The following CLASP2 variants were observed in gnomAD, a reference collection of about 807,000 sequenced individuals.
CLASP2 encodes the protein cytoplasmic linker associated protein 2.
Under a neutral mutation model 194.4 loss-of-function variants are expected in CLASP2, and 47 were observed. The ratio of observed to expected loss-of-function variants is 0.24; its 90% confidence interval spans 0.19 to 0.31. The LOEUF is 0.31. CLASP2 is among the 10% of genes least tolerant of loss of function. The pLI, the probability that CLASP2 is intolerant of heterozygous loss-of-function variation, is 1.00. For missense variants in CLASP2, 1,445 were observed against 1,823.6 expected (o/e 0.79, Z 3.78); for synonymous variants, 619 against 633.5 (o/e 0.98, Z 0.34).
At chr3:33,639,125 A>C (rs2080800106) in intron 8 of CLASP2, among the ~76,000 whole-genome samples, 1 of 152,036 alleles carries the variant, frequency 6.6e-6, no homozygotes, top group East Asian at 1.9e-4. Flanking sequence ...TGGTGTGATC[A>C]CGGTGCACTA....
intron 6 of CLASP2, among the ~76,000 whole-genome samples, chr3:33,682,527 T>A (rs1468431400): frequency 6.6e-6 from 1 of 152,118 alleles, no homozygotes; most frequent in Non-Finnish European, 1.5e-5. Flanking sequence ...TAAAAAGTTT[T>A]AAAAAATTCC....
In CLASP2 at chr3:33,559,354, T is replaced by C. The variant is rs1055374428; in HGVS notation, c.2962A>G (p.Ile988Val). Residue 988 changes from isoleucine to valine, a missense_variant, in exon 29 of 39, where the codon ATT (isoleucine) becomes GTT (valine). Ile to Val is a conservative substitution (Grantham distance 29). This residue lies in a region of CLASP2 where 732 missense variants were observed against 987.9 expected (regional missense o/e 0.74). Transcript: ENST00000682230. ...TGATCAACTGTAAATCTCATTAGAATATTGAACTGAAGATCATTTGGAAAA... is the reference window on the plus strand; with the variant it reads ...TGATCAACTGTAAATCTCATTAGAACATTGAACTGAAGATCATTTGGAAAA... ...ESFPNDLQFN[I>V]LMRFTVDQTQ... The C allele has an allele frequency of 1.9e-6, 3 of 1,597,852 alleles. No homozygotes were observed. The highest frequency in any genetic ancestry group is 1.7e-5 in the Admixed American group (1 of 58,188).
At chr3:33,688,685 C>T (rs779399736) in intron 3 of CLASP2, among the ~76,000 whole-genome samples, 1 of 152,142 alleles carries the variant, frequency 6.6e-6, no homozygotes, top group Non-Finnish European at 1.5e-5. Flanking sequence ...AATTAAGAAA[C>T]CTTCAATAAC....
At chr3:33,616,382 A>T (rs1018278420) in intron 12 of CLASP2, among the ~76,000 whole-genome samples, 1 of 152,198 alleles carries the variant, frequency 6.6e-6, no homozygotes, top group African/African-American at 2.4e-5. Flanking sequence ...AGGAAAAAAA[A>T]TTCACAAAAT....
intron 1 of CLASP2, among the ~76,000 whole-genome samples, chr3:33,708,476 G>A (rs933012114): frequency 7.1e-5 from 5 of 70,352 alleles, no homozygotes; most frequent in Non-Finnish European, 1.1e-4. Context: ...GTGTGGGTGT[G>A]TGTGTGTGTG....
At chr3:33,574,499 G>A in intron 24 of CLASP2, 1 of 1,506,498 alleles carries the variant, frequency 6.6e-7, no homozygotes, top group Non-Finnish European at 8.9e-7. Flanking sequence ...CCTAAGAGCT[G>A]AGAGCAGTAA....
At chr3:33,621,950 G>A (rs1017243827) in intron 11 of CLASP2, among the ~76,000 whole-genome samples, 185 bp downstream of exon 11, 1 of 151,812 alleles carries the variant, frequency 6.6e-6, no homozygotes, top group Non-Finnish European at 1.5e-5. Context: ...TTAAAATGTT[G>A]GTATAAAGAG....
intron 34 of CLASP2, among the ~76,000 whole-genome samples, chr3:33,520,618 G>A (rs773219936): frequency 6.6e-6 from 1 of 151,996 alleles, no homozygotes; most frequent in Non-Finnish European, 1.5e-5. Flanking sequence ...CAAGTAAGGA[G>A]GTAATAGCAG....
At chr3:33,692,883 T>C (rs1024114659) in intron 2 of CLASP2, among the ~76,000 whole-genome samples, 1 of 152,156 alleles carries the variant, frequency 6.6e-6, no homozygotes, top group Admixed American at 6.5e-5. Flanking sequence ...TAACTCTTAG[T>C]ATTTTTTTTT....
chr3:33,558,733 GAAGA>G (rs1417530389), intron 29 of CLASP2: 1 of 152,250 alleles, frequency 6.6e-6, no homozygotes, highest in African/African-American at 2.4e-5. Flanking sequence ...AAGGATAATT[GAAGA>G]AAGGGACTGA....
rs909528559 is a variant in CLASP2, at chr3:33,608,606, T to C, written c.1409A>G (p.Asp470Gly). 6.2e-7 allele frequency: 1 copy of C among 1,610,464 alleles called. No homozygotes were observed. ...PVRRRSFEFL[D>G]LLLQEWQTHS... The stretch of plus-strand genomic sequence containing the variant: ...AGTCTGCCACTCTTGCAACAATAAA[T>C]CTAAAAATTCAAATGAACGTCTGAA... The change falls in exon 14 of 39, where the codon GAT (aspartate) becomes GGT (glycine). Residue 470 changes from aspartate (D) to glycine (G), a missense_variant. By Grantham distance (94) the Asp-to-Gly change is moderately conservative (BLOSUM62 -1). Coordinates refer to ENST00000682230, the MANE Select transcript of CLASP2 (RefSeq NM_001365631.1).
At chr3:33,681,370 A>G (rs2089826380) in intron 6 of CLASP2, among the ~76,000 whole-genome samples, 1 of 152,188 alleles carries the variant, frequency 6.6e-6, no homozygotes, top group Non-Finnish European at 1.5e-5. Flanking sequence ...GGTATTGGCA[A>G]ACAACTGCTG....
At chr3:33,540,037 C>T (rs2154141551) in intron 32 of CLASP2, among the ~76,000 whole-genome samples, 1 of 151,464 alleles carries the variant, frequency 6.6e-6, no homozygotes, top group Middle Eastern at 3.4e-3. Flanking sequence ...CCAGCCTCAG[C>T]CTCACCTCAG....
chr3:33,670,511 A>G (rs989619807), intron 6 of CLASP2, among the ~76,000 whole-genome samples: 9 of 152,230 alleles, frequency 5.9e-5, no homozygotes, highest in Non-Finnish European at 1.3e-4. Context: ...CTGCCCTAAC[A>G]ACAAGTAAAA....
chr3:33,682,926 C>A (rs1490963721), intron 6 of CLASP2: 1 of 152,182 alleles, frequency 6.6e-6, no homozygotes, highest in East Asian at 1.9e-4. Context: ...ATTGTGGGGA[C>A]AGATTGTCAG....
chr3:33,550,025 C>T (rs775027984), intron 30 of CLASP2, among the ~76,000 whole-genome samples: 26 of 151,998 alleles, frequency 1.7e-4, no homozygotes, highest in Non-Finnish European at 2.6e-4. Flanking sequence ...TGAGCCACTG[C>T]GTCCGGCCTA....
chr3:33,595,351 CT>C (rs2069984993), intron 19 of CLASP2, among the ~76,000 whole-genome samples: 1 of 152,002 alleles, frequency 6.6e-6, no homozygotes, highest in African/African-American at 2.4e-5. Context: ...GAAATGTTTT[CT>C]CTGCATTTTC....
At chr3:33,573,434 ATTGATTTTTGTTTT>A (rs2064175848) in intron 24 of CLASP2, 80 bp from the exon 25 acceptor site, 1 of 1,428,990 alleles carries the variant, frequency 7.0e-7, no homozygotes, top group African/African-American at 1.4e-5. Flanking sequence ...CCACAAAAGG[ATTGATTTTTGTTTT>A]AAAATCAGTG....
intron 6 of CLASP2, among the ~76,000 whole-genome samples, chr3:33,674,588 A>G (rs1412222939): frequency 6.6e-6 from 1 of 152,180 alleles, no homozygotes; most frequent in Non-Finnish European, 1.5e-5. Context: ...CTAAAATCAG[A>G]GCAAAACTGA....
Sources: gnomAD v4.1 joint callset for allele counts (sites outside exome capture counted in the v4.1 genomes callset) on GRCh38, gnomAD v4.1.1 for gene constraint, gnomAD v4.1.1 regional missense constraint, MANE v1.5 for transcripts, NCBI Gene and HGNC (gene_info 2026-07-23, HGNC 2026-07-21) for gene names.